Variants in ADCY10 observed in about 807,000 individuals in gnomAD.
The protein encoded by ADCY10 is adenylate cyclase 10.
Under a neutral mutation model 183.3 loss-of-function variants are expected in ADCY10, and 156 were observed. The ratio of observed to expected loss-of-function variants is 0.85; its 90% CI spans 0.75 to 0.97. ADCY10 has a LOEUF of 0.97. ADCY10 is among the 50% of genes least tolerant of loss of function. The probability of loss-of-function intolerance (pLI) is 0.00; values close to 1 mark genes in which losing one functional copy is unlikely to be tolerated. For missense variants in ADCY10, 1,745 were observed against 1,934.3 expected (o/e 0.90, Z 1.84); for synonymous variants, 645 against 670.0 (o/e 0.96, Z 0.58).
At chr1:167,821,249 T>C (rs1411675901) in intron 30 of ADCY10, 2 of 152,476 alleles carry the variant, frequency 1.3e-5, no homozygotes, top group African/African-American at 4.8e-5. Flanking sequence ...GTTAAAGGAA[T>C]TGAGCCTTAG....
intron 17 of ADCY10, among the ~76,000 whole-genome samples, 191 bp downstream of exon 17, chr1:167,855,974 G>C (rs1295564478): frequency 6.6e-6 from 1 of 152,178 alleles, no homozygotes; most frequent in Non-Finnish European, 1.5e-5. Flanking sequence ...CTACACTTCA[G>C]CCTGGGTGAC....
rs144343563 is a variant in ADCY10, at chr1:167,812,491, A to G, written c.4483-1578T>C. Reference sequence around the variant, plus strand: ...TGGCATAGAGACAGCCTACAACAATAAAAAACAAAAACAACAACAAAACCC... The same window carrying G: ...TGGCATAGAGACAGCCTACAACAATGAAAAACAAAAACAACAACAAAACCC... On this transcript the variant is annotated intron_variant, in intron 31 of 32. Transcript: ENST00000367851. Among the ~76,000 whole-genome samples the G allele has an allele frequency of 5.2e-4, 79 of 152,340 alleles. No homozygotes were observed. In the East Asian group the frequency reaches 0.012, roughly 24 times the overall value.
At chr1:167,843,278 T>C (rs1481765413) in intron 21 of ADCY10, among the ~76,000 whole-genome samples, 1 of 152,226 alleles carries the variant, frequency 6.6e-6, no homozygotes, top group Non-Finnish European at 1.5e-5. Context: ...CAGTGTATTT[T>C]AGCTTATTTT....
rs930624736 is a variant in ADCY10, at chr1:167,903,286, G to A, written c.253+601C>T. Reference sequence around the variant, plus strand: ...AAAAAATTAATAAATAAAAATAGCCGGGCACCCTGGCTCTCACCTGTAATC... The same window carrying A: ...AAAAAATTAATAAATAAAAATAGCCAGGCACCCTGGCTCTCACCTGTAATC... On this transcript the variant is annotated intron_variant, in intron 3 of 32. Transcript: ENST00000367851. Among the ~76,000 whole-genome samples, 4 of 145,320 alleles carry A rather than the reference G, an allele frequency of 2.8e-5. No homozygotes were observed. The East Asian group carries it at 6.2e-4, about 23-fold the overall frequency.
chr1:167,877,244 G>A (rs1041055098), intron 12 of ADCY10, among the ~76,000 whole-genome samples: 1 of 148,322 alleles, frequency 6.7e-6, no homozygotes, highest in African/African-American at 2.5e-5. Flanking sequence ...TTTCTATCTC[G>A]TATGGTCAAT....
chr1:167,842,968 C>T (rs1240519564), intron 21 of ADCY10, among the ~76,000 whole-genome samples: 2 of 152,156 alleles, frequency 1.3e-5, no homozygotes, highest in Admixed American at 6.6e-5. Context: ...CATGGGATTA[C>T]TGTTTTGTGA....
At chr1:167,870,508 T>C in intron 13 of ADCY10, 98 bp from the exon 14 acceptor site, 1 of 1,123,860 alleles carries the variant, frequency 8.9e-7, no homozygotes, top group Non-Finnish European at 1.3e-6. Context: ...AAAAATATCC[T>C]TGGGCCAGGC....
intron 21 of ADCY10, among the ~76,000 whole-genome samples, chr1:167,839,287 G>A (rs1212582495): frequency 1.3e-5 from 2 of 152,204 alleles, no homozygotes; most frequent in African/African-American, 4.8e-5. Flanking sequence ...TGATCAATGG[G>A]ATGTAAGAGG....
chr1:167,875,412 C>T (rs1333558224), intron 12 of ADCY10, among the ~76,000 whole-genome samples: 2 of 90,498 alleles, frequency 2.2e-5, no homozygotes, highest in African/African-American at 1.2e-4. Context: ...TAGCATCTGG[C>T]ACATTGTTCA....
At chr1:167,899,153 C>T (rs527261301) in intron 6 of ADCY10, among the ~76,000 whole-genome samples, 2 of 152,292 alleles carry the variant, frequency 1.3e-5, no homozygotes, top group Admixed American at 6.5e-5. Context: ...TAAGCAAGGT[C>T]GCTAGCCCCT....
intron 1 of ADCY10, among the ~76,000 whole-genome samples, chr1:167,911,086 A>C (rs1670121603): frequency 1.3e-5 from 2 of 152,216 alleles, no homozygotes; most frequent in South Asian, 4.1e-4. Flanking sequence ...TTTGTTGCTC[A>C]GGATCAACTA....
chr1:167,822,342 T>C (rs1571219517), intron 29 of ADCY10, among the ~76,000 whole-genome samples: 1 of 152,192 alleles, frequency 6.6e-6, no homozygotes, highest in African/African-American at 2.4e-5. Context: ...GGGAGTGTTA[T>C]GGATATATAC....
Position 167,833,895 on chromosome 1 carries a change from T to C in ADCY10, c.3417+75A>G. ...AGATGGGAGGAGGGTGTAGAAAGTA[T>C]AGGGATGACTTCTACTTCTATGGAA... On this transcript the variant is annotated intron_variant, in intron 24 of 32. Transcript: ENST00000367851. The C allele has an allele frequency of 2.6e-6, 3 of 1,150,890 alleles. No homozygotes were observed. The East Asian group carries it at 7.5e-5, about 29-fold the overall frequency. The allele number at this position is 1,150,890 out of a possible 1,614,324, so 71.3% of individuals were successfully genotyped here. A position where few individuals can be genotyped will look rare whatever the true frequency, so the allele number is the denominator to read the frequency against.
intron 7 of ADCY10, among the ~76,000 whole-genome samples, chr1:167,894,195 G>A (rs866280812): frequency 3.9e-5 from 6 of 152,162 alleles, no homozygotes; most frequent in African/African-American, 9.7e-5. Context: ...GACGCTTTGG[G>A]ACTTAGGGAG....
At chr1:167,864,408 A>G (rs1239949717) in intron 14 of ADCY10, among the ~76,000 whole-genome samples, 4 of 152,208 alleles carry the variant, frequency 2.6e-5, no homozygotes, top group African/African-American at 4.8e-5. Flanking sequence ...TGGCCATCAG[A>G]AGGAAGCCTA....
chr1:167,899,694 T>G, intron 5 of ADCY10, 66 bp from the exon 6 acceptor site: 1 of 1,520,220 alleles, frequency 6.6e-7, no homozygotes, highest in Non-Finnish European at 9.0e-7. Flanking sequence ...AGCACAGGTT[T>G]TTGGAAAAAC....
rs550505876 is a variant in ADCY10, at chr1:167,833,277, A to C, written c.3418-115T>G. 80 of 982,098 alleles carry C rather than the reference A, an allele frequency of 8.1e-5. No homozygotes were observed. In the East Asian group the frequency reaches 1.9e-3, roughly 23 times the overall value. The allele number at this position is 982,098 out of a possible 1,614,324, so 60.8% of individuals were successfully genotyped here. A position where few individuals can be genotyped will look rare whatever the true frequency, so the allele number is the denominator to read the frequency against. On this transcript the variant is annotated intron_variant, in intron 24 of 32. Coordinates refer to ENST00000367851, the MANE Select transcript of ADCY10 (RefSeq NM_018417.6). The stretch of plus-strand genomic sequence containing the variant: ...TCTTATCAAAAAAGGTAATTTATGG[A>C]CCAGAAACAAAATCTTCCTGTGCCT...
chr1:167,865,132 T>C (rs2102088207), intron 14 of ADCY10, among the ~76,000 whole-genome samples: 1 of 152,286 alleles, frequency 6.6e-6, no homozygotes, highest in East Asian at 1.9e-4. Context: ...TGAGTACTAT[T>C]GAAGAAACAG....
intron 1 of ADCY10, among the ~76,000 whole-genome samples, chr1:167,907,646 C>T (rs577442576): frequency 4.1e-4 from 63 of 152,166 alleles, no homozygotes; most frequent in Non-Finnish European, 7.1e-4. Context: ...TTGGGAGCAG[C>T]CTCAATGGTT....
Sources: gnomAD v4.1 joint callset for allele counts (sites outside exome capture counted in the v4.1 genomes callset) on GRCh38, gnomAD v4.1.1 for gene constraint, MANE v1.5 for transcripts, NCBI Gene and HGNC (gene_info 2026-07-23, HGNC 2026-07-21) for gene names.